SCFD2: variants seen among roughly 807,000 people sequenced by gnomAD.
The protein encoded by SCFD2 is sec1 family domain containing 2, also known as sec1 family domain-containing protein 2.
A neutral mutation model predicts 58.9 loss-of-function variants in SCFD2; 54 were observed. The ratio of observed to expected loss-of-function variants is 0.92; its 90% CI spans 0.74 to 1.15. The LOEUF (loss-of-function observed/expected upper bound fraction) is 1.15, where lower values mean the gene tolerates loss of function less well. Among genes scored for constraint, SCFD2 ranks in the 50% most tolerant of loss-of-function variants. The probability of loss-of-function intolerance (pLI) is 0.00; values close to 1 mark genes in which losing one functional copy is unlikely to be tolerated. For missense variants in SCFD2, 805 were observed against 836.6 expected, an observed-to-expected ratio of 0.96 and a Z score of 0.47; for synonymous variants, 321 against 335.9, an observed-to-expected ratio of 0.96 and a Z score of 0.49.
At chr4:53,273,787 T>G in intron 4 of SCFD2, 39 bp downstream of exon 4, 1 of 1,540,850 alleles carries the variant, frequency 6.5e-7, no homozygotes, top group Non-Finnish European at 8.8e-7. Context: ...GTCAAAACAT[T>G]AATTATTAAG....
At chr4:52,891,833 T>C (rs990975199) in intron 7 of SCFD2, among the ~76,000 whole-genome samples, 1 of 152,236 alleles carries the variant, frequency 6.6e-6, no homozygotes, top group Non-Finnish European at 1.5e-5. Context: ...TCCTTTTTCC[T>C]GAAATGTCCC....
At chr4:53,036,113 G>C (rs1722753125) in intron 5 of SCFD2, among the ~76,000 whole-genome samples, 1 of 151,722 alleles carries the variant, frequency 6.6e-6, no homozygotes, top group South Asian at 2.1e-4. Context: ...ACAATGTGCA[G>C]GTTTGTTACA....
intron 3 of SCFD2, among the ~76,000 whole-genome samples, chr4:53,308,032 A>G (rs1209777278): frequency 1.3e-5 from 2 of 152,192 alleles, no homozygotes; most frequent in African/African-American, 4.8e-5. Flanking sequence ...TCCCAGCCCC[A>G]GCATCACGAA....
intron 4 of SCFD2, among the ~76,000 whole-genome samples, chr4:53,226,879 A>G (rs1324156640): frequency 1.3e-5 from 2 of 152,194 alleles, no homozygotes; most frequent in Non-Finnish European, 2.9e-5. Flanking sequence ...GTCTATCACT[A>G]ACTAAATTAT....
chr4:53,294,500 G>C (rs1233301175), intron 3 of SCFD2, among the ~76,000 whole-genome samples: 1 of 152,090 alleles, frequency 6.6e-6, no homozygotes, highest in East Asian at 1.9e-4. Flanking sequence ...TTTTTTTCTT[G>C]TAAATTTGTT....
intron 7 of SCFD2, among the ~76,000 whole-genome samples, chr4:52,902,166 C>T (rs1408019352): frequency 6.6e-6 from 1 of 152,190 alleles, no homozygotes; most frequent in East Asian, 1.9e-4. Context: ...CTGTGTTGGC[C>T]AGGGTCTAGC....
intron 5 of SCFD2, among the ~76,000 whole-genome samples, chr4:52,996,545 T>C (rs577301279): frequency 6.6e-6 from 1 of 152,360 alleles, no homozygotes; most frequent in African/African-American, 2.4e-5. Context: ...ATTCCCTCCC[T>C]TCCCCTTCTG....
intron 2 of SCFD2, among the ~76,000 whole-genome samples, chr4:53,338,860 G>A (rs940823326): frequency 2.9e-4 from 44 of 152,000 alleles, no homozygotes; most frequent in Admixed American, 5.9e-4. Context: ...GATTACAGGC[G>A]TGAGCCACCG....
At chr4:53,011,255 T>C (rs1459208639) in intron 5 of SCFD2, among the ~76,000 whole-genome samples, 1 of 152,134 alleles carries the variant, frequency 6.6e-6, no homozygotes, top group Non-Finnish European at 1.5e-5. Context: ...ATCTTTGCTT[T>C]TTTTTCCCCC....
At chr4:53,227,554 T>C (rs1313565822) in intron 4 of SCFD2, among the ~76,000 whole-genome samples, 8 of 152,152 alleles carry the variant, frequency 5.3e-5, no homozygotes, top group Non-Finnish European at 1.2e-4. Context: ...TTGCATGAAT[T>C]TAAAAACTAT....
At chr4:53,047,752 C>T (rs1356835560) in intron 5 of SCFD2, among the ~76,000 whole-genome samples, 1 of 152,196 alleles carries the variant, frequency 6.6e-6, no homozygotes, top group Non-Finnish European at 1.5e-5. Context: ...TTATTTCTTC[C>T]CCCAAACTCC....
chr4:52,996,479 C>T (rs7441164), intron 5 of SCFD2, among the ~76,000 whole-genome samples: 2,340 of 152,328 alleles, frequency 0.015, 65 homozygotes, highest in African/African-American at 0.054. Flanking sequence ...CCAGTCACTG[C>T]GTCATGGCAT....
rs116598766 is a variant in SCFD2, at chr4:53,282,695, C to T, written c.1136-8694G>A. Among the ~76,000 whole-genome samples the T allele has an allele frequency of 4.6e-3, 692 of 151,798 alleles. 2 individuals carry two copies. The highest frequency in any genetic ancestry group is 0.016 in the African/African-American group (663 of 41,392). On this transcript the variant is annotated intron_variant, in intron 3 of 8. Coordinates refer to ENST00000401642, the MANE Select transcript of SCFD2 (RefSeq NM_152540.4). ...CTGAACAAAATTTCCAGCTAAAAGA[C>T]GTAACTGTACTTAGCTATACCAGGA... is the stretch of plus-strand genomic sequence containing the variant.
intron 4 of SCFD2, among the ~76,000 whole-genome samples, chr4:53,246,621 T>A (rs1313796098): frequency 6.6e-6 from 1 of 152,190 alleles, no homozygotes; most frequent in Non-Finnish European, 1.5e-5. Context: ...CAATAAATGG[T>A]GCTGGAATAA....
At chr4:53,002,917 A>G (rs1396517968) in intron 5 of SCFD2, among the ~76,000 whole-genome samples, 1 of 152,208 alleles carries the variant, frequency 6.6e-6, no homozygotes. Flanking sequence ...GGGAGCAGAT[A>G]TCTTACATGG....
intron 4 of SCFD2, among the ~76,000 whole-genome samples, chr4:53,218,066 G>T (rs1341170948): frequency 1.3e-5 from 2 of 152,126 alleles, no homozygotes; most frequent in African/African-American, 2.4e-5. Flanking sequence ...CTCTCTGGCT[G>T]CCCTGAACAT....
intron 5 of SCFD2, among the ~76,000 whole-genome samples, chr4:53,049,752 T>C (rs1394487208): frequency 6.6e-6 from 1 of 152,172 alleles, no homozygotes; most frequent in Non-Finnish European, 1.5e-5. Context: ...AGTCTATCTC[T>C]TTAAAAAATT....
chr4:52,876,610 C>T (rs562472571), intron 8 of SCFD2, among the ~76,000 whole-genome samples: 16 of 151,916 alleles, frequency 1.1e-4, no homozygotes, highest in African/African-American at 2.2e-4. Flanking sequence ...ATTAGGTGCG[C>T]GTGGCGGTGC....
intron 5 of SCFD2, among the ~76,000 whole-genome samples, chr4:52,944,309 T>A (rs301101): frequency 6.6e-6 from 1 of 152,134 alleles, no homozygotes; most frequent in African/African-American, 2.4e-5. Flanking sequence ...TATACCAAAA[T>A]GTCTCTGGTT....
Sources: gnomAD v4.1 joint callset for allele counts (sites outside exome capture counted in the v4.1 genomes callset) on GRCh38, gnomAD v4.1.1 for gene constraint, MANE v1.5 for transcripts, NCBI Gene and HGNC (gene_info 2026-07-23, HGNC 2026-07-21) for gene names.